Variants in SPRR4 observed in about 807,000 individuals in gnomAD.
SPRR4 encodes the protein small proline-rich protein 4.
For missense variants in SPRR4, 106 were observed against 91.6 expected, an observed-to-expected ratio of 1.16 and a Z score of -0.64; for synonymous variants, 30 against 34.3, an observed-to-expected ratio of 0.87 and a Z score of 0.44.
chr1:152,971,500 C>T (rs1651842270), intron 1 of SPRR4, among the ~76,000 whole-genome samples: 1 of 151,986 alleles, frequency 6.6e-6, no homozygotes, highest in Non-Finnish European at 1.5e-5. Context: ...CTTAGTCTCC[C>T]ATGGTGAGTC....
chr1:152,972,387 G>A lies in SPRR4; in HGVS notation c.*257G>A, dbSNP rs531006491. On this transcript the variant is annotated 3_prime_UTR_variant, in exon 2 of 2. Coordinates refer to ENST00000328051, the MANE Select transcript of SPRR4 (RefSeq NM_173080.3). ...GACCTCATTCTCTGCAGGCTCCAGCGTGGCCACAGCTAAGGCCCATCCATT... is the reference window on the plus strand; with the variant it reads ...GACCTCATTCTCTGCAGGCTCCAGCATGGCCACAGCTAAGGCCCATCCATT... 51 of 556,922 alleles carry A rather than the reference G, an allele frequency of 9.2e-5. No homozygotes were observed. Among genetic ancestry groups the A allele is most frequent in the East Asian group, 3.8e-4 (11 of 29,152 alleles). The allele number at this position is 556,922 out of a possible 1,614,324, so 34.5% of individuals were successfully genotyped here.
chr1:152,970,755 C>G (rs1651819799), intron 1 of SPRR4, 61 bp downstream of exon 1: 1 of 152,236 alleles, frequency 6.6e-6, no homozygotes, highest in African/African-American at 2.4e-5. Flanking sequence ...TCCTTTAACT[C>G]CTTTGAGCCG....
Position 152,971,901 on chromosome 1 carries a change from AGCAGCAGCAGCG to A in SPRR4, c.23_34del (p.Arg8_Gln11del), listed in dbSNP as rs754110894. 1.9e-6 allele frequency: 3 copies of A among 1,613,920 alleles called. No homozygotes were observed. The highest frequency in any genetic ancestry group is 2.2e-5 in the East Asian group (1 of 44,868). On this transcript the variant is annotated inframe_deletion, in exon 2 of 2. Coordinates refer to ENST00000328051, the MANE Select transcript of SPRR4 (RefSeq NM_173080.3). Reference sequence around the variant, plus strand: ...CCTGTTCCTAGAGCAATGTCTTCCCAGCAGCAGCAGCGGCAGCAGCAGCAGTGCCCACCCCAG... The same window carrying A: ...CCTGTTCCTAGAGCAATGTCTTCCCAGCAGCAGCAGCAGTGCCCACCCCAG...
chr1:152,971,301 G>T (rs974371242), intron 1 of SPRR4, among the ~76,000 whole-genome samples: 1 of 152,140 alleles, frequency 6.6e-6, no homozygotes, highest in Admixed American at 6.5e-5. Context: ...CCCACAGAAG[G>T]AAGGTTGCCC....
At chr1:152,971,729 AT>A (rs1319966754) in intron 1 of SPRR4, 141 bp from the exon 2 acceptor site, 9 of 1,135,370 alleles carry the variant, frequency 7.9e-6, no homozygotes, top group Non-Finnish European at 1.1e-5. Context: ...GCCAGTTGAC[AT>A]TGTCCAGATC....
chr1:152,969,772 T>A (rs572600717), upstream of SPRR4, among the ~76,000 whole-genome samples: 7 of 152,366 alleles, frequency 4.6e-5, no homozygotes, highest in South Asian at 1.4e-3. Flanking sequence ...CTTATACTTT[T>A]AAAATATTCT....
At chr1:152,968,906 T>C (rs899140558), upstream of SPRR4, among the ~76,000 whole-genome samples, 2 of 152,202 alleles carry the variant, frequency 1.3e-5, no homozygotes, top group Non-Finnish European at 2.9e-5. Flanking sequence ...TGCAAATCTG[T>C]CTTGCTGCGT....
Position 152,972,236 on chromosome 1 carries a change from A to C in SPRR4, c.*106A>C. ...GCTCTTGAGCCTACCCTCCTCTCAC[A>C]TCTCCTCCTGCCCAAGATGTAAGGA... On this transcript the variant is annotated 3_prime_UTR_variant, in exon 2 of 2. Coordinates refer to ENST00000328051, the MANE Select transcript of SPRR4 (RefSeq NM_173080.3). The C allele has an allele frequency of 2.0e-6, 3 of 1,488,362 alleles. No individual in the cohort carries two copies. Among genetic ancestry groups the C allele is most frequent in the Non-Finnish European group, 2.7e-6 (3 of 1,101,164 alleles). 92.2% of individuals were successfully genotyped at this position (1,488,362 alleles called of 1,614,324 possible). A position where few individuals can be genotyped will look rare whatever the true frequency, so the allele number is the denominator to read the frequency against.
rs998924599 is a variant in SPRR4, at chr1:152,972,568, T to C, written c.*438T>C. The C allele has an allele frequency of 1.0e-5, 2 of 195,896 alleles. No homozygotes were observed. The highest frequency in any genetic ancestry group is 4.7e-5 in the African/African-American group (2 of 42,140). The allele number at this position is 195,896 out of a possible 1,614,324, so 12.1% of individuals were successfully genotyped here. A position where few individuals can be genotyped will look rare whatever the true frequency, so the allele number is the denominator to read the frequency against. On this transcript the variant is annotated 3_prime_UTR_variant, in exon 2 of 2. Coordinates refer to ENST00000328051, the MANE Select transcript of SPRR4 (RefSeq NM_173080.3). ...TTCCCCAATAAATATGTGCCTCATGTAATAAATGTGTCTGCTTCCTGGGCT... is the reference window on the plus strand; with the variant it reads ...TTCCCCAATAAATATGTGCCTCATGCAATAAATGTGTCTGCTTCCTGGGCT...
chr1:152,972,220 C>T lies in SPRR4; in HGVS notation c.*90C>T. ...TCTCCTCTTCCCTCCAGCTCTTGAG[C>T]CTACCCTCCTCTCACATCTCCTCCT... On this transcript the variant is annotated 3_prime_UTR_variant, in exon 2 of 2. Transcript: ENST00000328051. 2 of 1,546,938 alleles carry T rather than the reference C, an allele frequency of 1.3e-6. No homozygotes were observed. The highest frequency in any genetic ancestry group is 2.3e-5 in the East Asian group (1 of 42,724).
intron 1 of SPRR4, among the ~76,000 whole-genome samples, chr1:152,971,589 C>A (rs1459826147): frequency 6.7e-6 from 1 of 149,554 alleles, no homozygotes; most frequent in Non-Finnish European, 1.5e-5. Flanking sequence ...CACACACACA[C>A]ACACACACAC....
chr1:152,972,287 G>A lies in SPRR4; in HGVS notation c.*157G>A, dbSNP rs181364609. On this transcript the variant is annotated 3_prime_UTR_variant, in exon 2 of 2. Coordinates refer to ENST00000328051, the MANE Select transcript of SPRR4 (RefSeq NM_173080.3). ...AGCATTGTAAGGATTTCTTCCCATC[G>A]TACCCTTCCCCACACATACCACCTT... 276 of 1,256,434 alleles carry A rather than the reference G, an allele frequency of 2.2e-4. No individual in the cohort carries two copies. In the African/African-American group the frequency reaches 3.6e-3, roughly 16 times the overall value. The allele number at this position is 1,256,434 out of a possible 1,614,324, so 77.8% of individuals were successfully genotyped here.
intron 1 of SPRR4, among the ~76,000 whole-genome samples, chr1:152,971,392 T>A (rs61813182): frequency 0.33 from 49,943 of 151,946 alleles, 10,551 homozygotes; most frequent in Non-Finnish European, 0.49. Context: ...CATCCTCCTG[T>A]CATCCTTTGG....
chr1:152,972,099 C>A lies in SPRR4; in HGVS notation c.209C>A (p.Ala70Asp). ...IIPAQQKCPSAQQASKSKQK is the reference protein window; with the variant it reads ...IIPAQQKCPSDQQASKSKQK The stretch of plus-strand genomic sequence containing the variant: ...CCAGCCCAGCAGAAGTGTCCCTCAG[C>A]CCAGCAAGCCTCCAAGAGCAAACAG... The change falls in exon 2 of 2, where the codon GCC becomes GAC. Residue 70 changes from alanine to aspartate, a missense_variant. Coordinates refer to ENST00000328051, the MANE Select transcript of SPRR4 (RefSeq NM_173080.3). The A allele has an allele frequency of 6.2e-7, 1 of 1,614,064 alleles. No individual in the cohort carries two copies. The highest frequency in any genetic ancestry group is 8.5e-7 in the Non-Finnish European group (1 of 1,179,984).
Position 152,972,175 on chromosome 1 carries a change from T to C in SPRR4, c.*45T>C. ...ATCATCCACCATCCTGGCTACCAGA[T>C]GGAACCTTCTCTTCTTCCTTCTCCT... On this transcript the variant is annotated 3_prime_UTR_variant, in exon 2 of 2. Coordinates refer to ENST00000328051, the MANE Select transcript of SPRR4 (RefSeq NM_173080.3). 6.2e-7 allele frequency: 1 copy of C among 1,611,224 alleles called. No individual in the cohort carries two copies. Among genetic ancestry groups the C allele is most frequent in the Non-Finnish European group, 8.5e-7 (1 of 1,178,124 alleles).
rs921248380 is a variant in SPRR4 at position 152,972,517 on chromosome 1, C to T, written c.*387C>T. The T allele has an allele frequency of 4.2e-6, 1 of 239,026 alleles. No homozygotes were observed. Among genetic ancestry groups the T allele is most frequent in the African/African-American group, 2.3e-5 (1 of 43,908 alleles). 14.8% of individuals were successfully genotyped at this position (239,026 alleles called of 1,614,324 possible). On this transcript the variant is annotated 3_prime_UTR_variant, in exon 2 of 2. Coordinates refer to ENST00000328051, the MANE Select transcript of SPRR4 (RefSeq NM_173080.3). Reference sequence around the variant, plus strand: ...TCTGCCTCATTCCTCTCCATGATGCCCCCTGCTCTGGGCTTCTCTCCTGTT... The same window carrying T: ...TCTGCCTCATTCCTCTCCATGATGCTCCCTGCTCTGGGCTTCTCTCCTGTT...
chr1:152,972,271 AGGAT>A lies in SPRR4; in HGVS notation c.*142_*145del. On this transcript the variant is annotated 3_prime_UTR_variant, in exon 2 of 2. Coordinates refer to ENST00000328051, the MANE Select transcript of SPRR4 (RefSeq NM_173080.3). ...GCCCAAGATGTAAGGAAGCATTGTA[AGGAT>A]TTCTTCCCATCGTACCCTTCCCCAC... The A allele has an allele frequency of 7.3e-7, 1 of 1,376,674 alleles. No individual in the cohort carries two copies. The highest frequency in any genetic ancestry group is 9.8e-7 in the Non-Finnish European group (1 of 1,016,116). 85.3% of individuals were successfully genotyped at this position (1,376,674 alleles called of 1,614,324 possible). A position where few individuals can be genotyped will look rare whatever the true frequency, so the allele number is the denominator to read the frequency against.
chr1:152,969,751 T>C (rs1183198938), upstream of SPRR4, among the ~76,000 whole-genome samples: 1 of 152,264 alleles, frequency 6.6e-6, no homozygotes, highest in Admixed American at 6.5e-5. Flanking sequence ...TCCTGCAATA[T>C]TTGGAATATA....
rs770581231 is a variant in SPRR4, at chr1:152,972,046, G to A, written c.156G>A (p.Lys52=). 9.3e-6 allele frequency: 15 copies of A among 1,614,058 alleles called. No individual in the cohort carries two copies. Among genetic ancestry groups the A allele is most frequent in the Non-Finnish European group, 1.2e-5 (14 of 1,180,006 alleles). Residue 52 remains lysine (K), a synonymous_variant, in exon 2 of 2, where the codon AAG becomes AAA. Transcript: ENST00000328051. ...ATCCATGTGCTCCCCAGGTCAAGAA[G>A]CAATGCCCACCGAAAGGCACCATCA... ...TKDPCAPQVK[K]QCPPKGTIIP... is the part of the protein sequence containing the mutation.
Sources: allele counts gnomAD v4.1 joint callset (sites outside exome capture counted in the v4.1 genomes callset), GRCh38; gene constraint gnomAD v4.1.1; transcripts MANE v1.5; gene names NCBI Gene and HGNC (gene_info 2026-07-23, HGNC 2026-07-21).